The following ARFGEF2 variants were observed in gnomAD, a reference collection of about 807,000 sequenced individuals.
ARFGEF2 encodes the protein ARF guanine nucleotide exchange factor 2.
In ARFGEF2, 74 loss-of-function variants were observed where a neutral mutation model predicts 219.9. The ratio of observed to expected loss-of-function variants is 0.34; its 90% CI spans 0.28 to 0.41. ARFGEF2 has a LOEUF of 0.41. Among genes scored for constraint, ARFGEF2 ranks in the 10% least tolerant of loss-of-function variants. The pLI is 1.00. For synonymous variants in ARFGEF2, 733 were observed against 799.2 expected (o/e 0.92, Z 1.40); for missense variants, 1,743 against 2,218.3 (o/e 0.79, Z 4.30).
intron 1 of ARFGEF2, among the ~76,000 whole-genome samples, chr20:48,923,199 A>G (rs2090854317): frequency 6.6e-6 from 1 of 152,212 alleles, no homozygotes. Flanking sequence ...TTTCAAGCTA[A>G]TTCACTGCCC....
At chr20:48,997,926 C>A (rs2083142996) in intron 23 of ARFGEF2, among the ~76,000 whole-genome samples, 1 of 152,110 alleles carries the variant, frequency 6.6e-6, no homozygotes, top group African/African-American at 2.4e-5. Flanking sequence ...GGCGCAATCT[C>A]GGCTTACTGC....
Position 48,955,883 on chromosome 20 carries a change from T to G in ARFGEF2, c.838+2093T>G, listed in dbSNP as rs374893827. ...AGGCCAGGAGTTTGAGGCTGCAGTG[T>G]GTCTGTGAATAGCCTCTGTGCTCCA... On this transcript the variant is annotated intron_variant, in intron 6 of 38. Coordinates refer to ENST00000371917, the MANE Select transcript of ARFGEF2 (RefSeq NM_006420.3). Among the ~76,000 whole-genome samples, 15 of 151,678 alleles carry G rather than the reference T, an allele frequency of 9.9e-5. 1 individual carries two copies. Among genetic ancestry groups the G allele is most frequent in the South Asian group, 8.3e-4 (4 of 4,792 alleles).
At position 49,012,088 on chromosome 20, in the gene ARFGEF2, C is replaced by A; in HGVS notation, c.3918+4C>A. 6.2e-7 allele frequency: 1 copy of A among 1,614,156 alleles called. No homozygotes were observed. The highest frequency in any genetic ancestry group is 2.2e-5 in the East Asian group (1 of 44,886). ...ATACGTCTCTGAGAGGCCTCGGGTT[C>A]GTTTTTCCCCACCTTACTCAGATGG... On this transcript the variant is annotated splice_donor_region_variant and intron_variant, in intron 28 of 38. Coordinates refer to ENST00000371917, the MANE Select transcript of ARFGEF2 (RefSeq NM_006420.3).
chr20:48,950,187 C>T (rs900783180), intron 3 of ARFGEF2, among the ~76,000 whole-genome samples: 3 of 152,096 alleles, frequency 2.0e-5, no homozygotes, highest in Non-Finnish European at 4.4e-5. Flanking sequence ...TCAGAGAGGG[C>T]ACGTTCCAAG....
In ARFGEF2 at chr20:48,941,912, G is replaced by C. The variant is rs749005425; in HGVS notation, c.201G>C (p.Lys67Asn). ...AGGCAAACTTCATTGAAGCTGACAAGTATTTTCTTCCATTCGAGCTAGCTT... is the reference window on the plus strand; with the variant it reads ...AGGCAAACTTCATTGAAGCTGACAACTATTTTCTTCCATTCGAGCTAGCTT... Reference protein sequence around the residue: ...PPKANFIEADKYFLPFELACQ... With the variant: ...PPKANFIEADNYFLPFELACQ... Residue 67 changes from lysine (K) to asparagine (N), a missense_variant, in exon 3 of 39, where the codon AAG becomes AAC. Around this residue, in one of 5 missense-constraint regions of ARFGEF2, gnomAD observed 394 missense variants for 426.6 expected, o/e 0.92. Coordinates refer to ENST00000371917, the MANE Select transcript of ARFGEF2 (RefSeq NM_006420.3). 1.9e-6 allele frequency: 3 copies of C among 1,614,098 alleles called. No individual in the cohort carries two copies. Among genetic ancestry groups the C allele is most frequent in the East Asian group, 2.2e-5 (1 of 44,894 alleles).
At position 49,016,305 on chromosome 20, in the gene ARFGEF2, G is replaced by T. The variant is rs768879754; in HGVS notation, c.4205G>T (p.Cys1402Phe). Reference sequence around the variant, plus strand: ...AAATCTGAGTGGATGACAACAACCTGCAATCACGCACTTTATGCTATTTGT... The same window carrying T: ...AAATCTGAGTGGATGACAACAACCTTCAATCACGCACTTTATGCTATTTGT... ...SEKSEWMTTTCNHALYAICDV... is the reference protein window; with the variant it reads ...SEKSEWMTTTFNHALYAICDV... The change falls in exon 31 of 39, where the codon TGC becomes TTC. Residue 1402 changes from cysteine (C) to phenylalanine (F), a missense_variant. By Grantham distance (205) the Cys-to-Phe change is radical. Transcript: ENST00000371917. 1.2e-6 allele frequency: 2 copies of T among 1,613,972 alleles called. No individual in the cohort carries two copies. The highest frequency in any genetic ancestry group is 2.2e-5 in the South Asian group (2 of 91,080).
At chr20:48,994,304 T>C (rs2091373699) in intron 21 of ARFGEF2, 147 bp from the exon 22 acceptor site, 1 of 948,790 alleles carries the variant, frequency 1.1e-6, no homozygotes, top group South Asian at 1.4e-5. Flanking sequence ...TTTTCTCTCT[T>C]TATTGAGAGC....
Position 48,921,856 on chromosome 20 carries a change from C to T in ARFGEF2, c.-34C>T, listed in dbSNP as rs1344701497. 1 of 1,504,914 alleles carries T rather than the reference C, an allele frequency of 6.6e-7. No homozygotes were observed. Among genetic ancestry groups the T allele is most frequent in the Non-Finnish European group, 8.9e-7 (1 of 1,123,710 alleles). 93.2% of individuals were successfully genotyped at this position (1,504,914 alleles called of 1,614,324 possible). On this transcript the variant is annotated 5_prime_UTR_variant, in exon 1 of 39. Coordinates refer to ENST00000371917, the MANE Select transcript of ARFGEF2 (RefSeq NM_006420.3). ...TCGCCATCTCGCTCACGCCGCCCGC[C>T]CGCGGGGCCGTCAGCCCCCGCCGGG...
At chr20:48,997,578 C>G (rs1372674012) in intron 23 of ARFGEF2, among the ~76,000 whole-genome samples, 1 of 152,086 alleles carries the variant, frequency 6.6e-6, no homozygotes, top group Non-Finnish European at 1.5e-5. Flanking sequence ...TGGGCTCCCC[C>G]GTCTTTTGAT....
At position 48,985,395 on chromosome 20, in the gene ARFGEF2, G is replaced by A; in HGVS notation, c.2071-13G>A. The A allele has an allele frequency of 6.2e-7, 1 of 1,613,978 alleles. No homozygotes were observed. On this transcript the variant is annotated splice_polypyrimidine_tract_variant and intron_variant, in intron 15 of 38. Transcript: ENST00000371917. ...TGACAATTTCTGGATATAAGTGAGT[G>A]TGTATGTTTCAGACCCAAGTAGGCG...
At chr20:49,005,307 T>C in intron 26 of ARFGEF2, 86 bp downstream of exon 26, 3 of 1,539,636 alleles carry the variant, frequency 1.9e-6, no homozygotes, top group Admixed American at 1.7e-5. Flanking sequence ...CATGATTAAT[T>C]TTTTTCCTCC....
At chr20:48,973,579 G>A (rs1440066021) in intron 12 of ARFGEF2, among the ~76,000 whole-genome samples, 1 of 152,188 alleles carries the variant, frequency 6.6e-6, no homozygotes, top group Non-Finnish European at 1.5e-5. Context: ...CCTTTGAGCT[G>A]AGACCCATAG....
intron 6 of ARFGEF2, among the ~76,000 whole-genome samples, chr20:48,959,457 C>CTCCA (rs2091127583): frequency 2.7e-5 from 1 of 36,854 alleles, no homozygotes; most frequent in Non-Finnish European, 5.4e-5. Context: ...CCTTCCCTCC[C>CTCCA]TCCCTCCCTT....
At chr20:48,963,224 GTTTAC>G (rs1024061775) in intron 6 of ARFGEF2, among the ~76,000 whole-genome samples, 5 of 149,902 alleles carry the variant, frequency 3.3e-5, no homozygotes, top group African/African-American at 1.0e-4. Context: ...GTCAAGAACT[GTTTAC>G]TTTACGTAAG....
At chr20:48,999,008 T>C (rs2123483664) in intron 25 of ARFGEF2, among the ~76,000 whole-genome samples, 1 of 151,568 alleles carries the variant, frequency 6.6e-6, no homozygotes, top group South Asian at 2.1e-4. Context: ...GAGGCCAAGA[T>C]GGGCAGATCA....
At chr20:48,984,614 C>T in intron 14 of ARFGEF2, 115 bp from the exon 15 acceptor site, 1 of 1,347,498 alleles carries the variant, frequency 7.4e-7, no homozygotes, top group African/African-American at 1.4e-5. Flanking sequence ...ACCTTGCTAG[C>T]TTATACGTGA....
chr20:49,021,401 A>G (rs1277145656), intron 34 of ARFGEF2, among the ~76,000 whole-genome samples: 2 of 152,152 alleles, frequency 1.3e-5, no homozygotes, highest in Non-Finnish European at 2.9e-5. Context: ...AGGAATCTCT[A>G]CTGTTACTGT....
At chr20:48,974,160 C>G (rs925381206) in intron 12 of ARFGEF2, among the ~76,000 whole-genome samples, 6 of 116,482 alleles carry the variant, frequency 5.2e-5, no homozygotes, top group Non-Finnish European at 9.8e-5. Context: ...GAATCTCACT[C>G]TGTCACCCAG....
intron 22 of ARFGEF2, 69 bp downstream of exon 22, chr20:48,994,667 C>G: frequency 6.3e-7 from 1 of 1,589,998 alleles, no homozygotes; most frequent in East Asian, 2.3e-5. Flanking sequence ...CCCTTCTTGT[C>G]TCATCAGGAC....
Sources: gnomAD v4.1 joint callset for allele counts (sites outside exome capture counted in the v4.1 genomes callset) on GRCh38, gnomAD v4.1.1 for gene constraint, gnomAD v4.1.1 regional missense constraint, MANE v1.5 for transcripts, NCBI Gene and HGNC (gene_info 2026-07-23, HGNC 2026-07-21) for gene names.